The following NUGGC variants were observed in gnomAD, a reference collection of about 807,000 sequenced individuals.
The protein encoded by NUGGC is nuclear GTPase, germinal center associated.
NUGGC carries 58 observed loss-of-function variants against 92.6 expected under a neutral mutation model. The ratio of observed to expected loss-of-function variants is 0.63; its 90% confidence interval spans 0.51 to 0.78. NUGGC has a LOEUF of 0.78. NUGGC is among the 30% of genes least tolerant of loss of function. The pLI is 0.00. For synonymous variants in NUGGC, 376 were observed against 366.4 expected, an observed-to-expected ratio of 1.03 and a Z score of -0.30; for missense variants, 925 against 964.6, an observed-to-expected ratio of 0.96 and a Z score of 0.54.
intron 10 of NUGGC, among the ~76,000 whole-genome samples, chr8:28,054,889 T>C (rs1345691063): frequency 6.6e-6 from 1 of 151,476 alleles, no homozygotes; most frequent in Non-Finnish European, 1.5e-5. Context: ...TCTTTAAAAA[T>C]AATAATAATA....
At chr8:28,056,179 A>T (rs1481092588) in intron 9 of NUGGC, 125 bp from the exon 10 acceptor site, 1 of 596,604 alleles carries the variant, frequency 1.7e-6, no homozygotes, top group Non-Finnish European at 3.0e-6. Flanking sequence ...CATGCACTGT[A>T]TTAGAATTAT....
intron 10 of NUGGC, among the ~76,000 whole-genome samples, chr8:28,051,910 G>GAAACA (rs562620245): frequency 1.1e-4 from 17 of 149,518 alleles, no homozygotes; most frequent in South Asian, 4.2e-4. Flanking sequence ...CAACAGGAGC[G>GAAACA]AAACAAAACA....
chr8:28,041,088 C>A lies in NUGGC; in HGVS notation c.1574G>T (p.Arg525Met), dbSNP rs577787191. ...TCTGAGGATGCAGCGGTAAGAAGTCCTGGCGGTCCTGACCCCTTCTTGCAG... is the reference window on the plus strand; with the variant it reads ...TCTGAGGATGCAGCGGTAAGAAGTCATGGCGGTCCTGACCCCTTCTTGCAG... ...QPLQEGVRTA[R>M]TSYRCILRAC... The change falls in exon 13 of 19, where the codon AGG (arginine) becomes ATG (methionine). Residue 525 changes from arginine to methionine, a missense_variant. Transcript: ENST00000413272. The A allele has an allele frequency of 1.0e-5, 16 of 1,606,704 alleles. No individual in the cohort carries two copies. Among genetic ancestry groups the A allele is most frequent in the Non-Finnish European group, 1.4e-5 (16 of 1,176,840 alleles).
chr8:28,061,199 T>C (rs1314167122), intron 7 of NUGGC, among the ~76,000 whole-genome samples: 2 of 152,216 alleles, frequency 1.3e-5, no homozygotes, highest in African/African-American at 4.8e-5. Context: ...GACGGCAGCA[T>C]TTTGATGTTT....
intron 12 of NUGGC, 30 bp from the exon 13 acceptor site, chr8:28,041,245 C>T: frequency 1.9e-6 from 3 of 1,586,440 alleles, no homozygotes; most frequent in East Asian, 4.6e-5. Flanking sequence ...AAGAATCAGG[C>T]CACCCCCTCC....
At chr8:28,078,704 C>A (rs559917240) in intron 1 of NUGGC, among the ~76,000 whole-genome samples, 1 of 152,266 alleles carries the variant, frequency 6.6e-6, no homozygotes, top group South Asian at 2.1e-4. Flanking sequence ...ATGATTAGGG[C>A]TTCCGTGTGG....
intron 9 of NUGGC, 50 bp from the exon 10 acceptor site, chr8:28,056,104 G>T: frequency 9.7e-7 from 1 of 1,032,242 alleles, no homozygotes. Flanking sequence ...GTTATCAACA[G>T]TGATGAGGTG....
chr8:28,038,532 G>A (rs531991279), intron 13 of NUGGC, among the ~76,000 whole-genome samples: 32 of 152,244 alleles, frequency 2.1e-4, no homozygotes, highest in Non-Finnish European at 3.8e-4. Context: ...AACTTGTCCC[G>A]GTCACATAGC....
chr8:28,076,271 G>T (rs1810719955), intron 1 of NUGGC, among the ~76,000 whole-genome samples: 1 of 151,358 alleles, frequency 6.6e-6, no homozygotes, highest in African/African-American at 2.5e-5. Flanking sequence ...ACCAAAGGAT[G>T]TTTAAAAGCT....
At chr8:28,043,936 C>G (rs1809762240) in intron 12 of NUGGC, among the ~76,000 whole-genome samples, 1 of 152,084 alleles carries the variant, frequency 6.6e-6, no homozygotes, top group South Asian at 2.1e-4. Flanking sequence ...TTGTTTTTGT[C>G]TTGTACAACT....
chr8:28,064,806 G>T (rs1033833059), intron 6 of NUGGC, 75 bp from the exon 7 acceptor site: 2 of 1,276,988 alleles, frequency 1.6e-6, no homozygotes, highest in South Asian at 2.5e-5. Context: ...TGTGATGCAG[G>T]TTCATGGTAA....
intron 13 of NUGGC, among the ~76,000 whole-genome samples, chr8:28,036,167 C>T (rs975534251): frequency 1.3e-5 from 2 of 152,234 alleles, no homozygotes; most frequent in African/African-American, 4.8e-5. Context: ...AGCCACTGCA[C>T]TCAGCCTTAA....
chr8:28,026,976 T>C lies in NUGGC; in HGVS notation c.2231A>G (p.Tyr744Cys). Reference protein sequence around the residue: ...ALASSQGDGLYKELADVGSEY... With the variant: ...ALASSQGDGLCKELADVGSEY... The stretch of plus-strand genomic sequence containing the variant: ...GGCGTATTTACCTGCAAGCTCCTTG[T>C]AGAGGCCATCCCCCTGGGACGAAGC... Residue 744 changes from tyrosine (Y) to cysteine (C), a missense_variant, in exon 18 of 19, where the codon TAC becomes TGC. Tyr to Cys is a radical substitution (Grantham distance 194, BLOSUM62 -2). Transcript: ENST00000413272. 2 of 1,612,934 alleles carry C rather than the reference T, an allele frequency of 1.2e-6. No homozygotes were observed. Among genetic ancestry groups the C allele is most frequent in the Non-Finnish European group, 1.7e-6 (2 of 1,178,886 alleles).
At chr8:28,042,908 T>C (rs866386842) in intron 12 of NUGGC, among the ~76,000 whole-genome samples, 1 of 152,218 alleles carries the variant, frequency 6.6e-6, no homozygotes, top group Non-Finnish European at 1.5e-5. Flanking sequence ...TTTAAGTGAA[T>C]TGGGTTGAAT....
chr8:28,076,006 T>C (rs865926770), intron 1 of NUGGC, among the ~76,000 whole-genome samples: 4 of 152,224 alleles, frequency 2.6e-5, no homozygotes, highest in Non-Finnish European at 4.4e-5. Flanking sequence ...TTCAAAATCC[T>C]GTTCTAGTGT....
At chr8:28,075,996 T>A (rs1810712614) in intron 1 of NUGGC, among the ~76,000 whole-genome samples, 1 of 152,186 alleles carries the variant, frequency 6.6e-6, no homozygotes. Context: ...CTGCTCTTGC[T>A]TCAAAATCCT....
intron 12 of NUGGC, among the ~76,000 whole-genome samples, chr8:28,044,830 A>G (rs1020674442): frequency 6.6e-6 from 1 of 152,204 alleles, no homozygotes; most frequent in Non-Finnish European, 1.5e-5. Flanking sequence ...TGCATATTCT[A>G]TCTCTCATAA....
At chr8:28,036,906 G>A (rs1264146169) in intron 13 of NUGGC, among the ~76,000 whole-genome samples, 1 of 152,194 alleles carries the variant, frequency 6.6e-6, no homozygotes, top group Admixed American at 6.5e-5. Context: ...CGGGTTTGGA[G>A]TACAGGTGCA....
At chr8:28,062,748 C>G (rs1810337808) in intron 7 of NUGGC, among the ~76,000 whole-genome samples, 1 of 152,204 alleles carries the variant, frequency 6.6e-6, no homozygotes, top group African/African-American at 2.4e-5. Context: ...CCCCCGTCAC[C>G]TTCATATTCC....
Sources: gnomAD v4.1 joint callset for allele counts (sites outside exome capture counted in the v4.1 genomes callset) on GRCh38, gnomAD v4.1.1 for gene constraint, MANE v1.5 for transcripts, NCBI Gene and HGNC (gene_info 2026-07-23, HGNC 2026-07-21) for gene names.